KCNQ5: variants seen among roughly 807,000 people sequenced by gnomAD.
The protein encoded by KCNQ5 is potassium voltage-gated channel subfamily Q member 5.
In KCNQ5, 30 loss-of-function variants were observed where a neutral mutation model predicts 98.2. The observed-to-expected ratio is 0.31, with a 90% confidence interval of 0.23 to 0.41. KCNQ5 has a LOEUF of 0.41. Ranked by LOEUF, KCNQ5 falls within the 10% of genes least tolerant of loss-of-function variation. The probability of loss-of-function intolerance (pLI) is 1.00; values close to 1 mark genes in which losing one functional copy is unlikely to be tolerated. For synonymous variants in KCNQ5, 458 were observed against 449.4 expected (o/e 1.02, Z -0.24); for missense variants, 835 against 1,182.5 (o/e 0.71, Z 4.31).
intron 1 of KCNQ5, among the ~76,000 whole-genome samples, chr6:72,814,959 A>T (rs183455284): frequency 5.3e-5 from 8 of 152,338 alleles, no homozygotes; most frequent in African/African-American, 1.9e-4. Flanking sequence ...TTGTGCATAG[A>T]ATCTTATCAG....
intron 1 of KCNQ5, among the ~76,000 whole-genome samples, chr6:72,820,150 G>A (rs1301693752): frequency 6.6e-6 from 1 of 152,130 alleles, no homozygotes; most frequent in African/African-American, 2.4e-5. Context: ...ATTTTTCTCT[G>A]TAGACATATG....
intron 1 of KCNQ5, among the ~76,000 whole-genome samples, chr6:72,639,226 A>G (rs2098925868): frequency 6.6e-6 from 1 of 152,230 alleles, no homozygotes; most frequent in South Asian, 2.1e-4. Flanking sequence ...GAAGAGAAAA[A>G]CTAGGAAAAT....
At chr6:72,813,981 C>G (rs1775376861) in intron 1 of KCNQ5, among the ~76,000 whole-genome samples, 1 of 152,042 alleles carries the variant, frequency 6.6e-6, no homozygotes, top group East Asian at 1.9e-4. Flanking sequence ...TCTGGGCTTG[C>G]TGACTGTATA....
chr6:72,882,064 T>C (rs1248723394), intron 1 of KCNQ5, among the ~76,000 whole-genome samples: 2 of 152,180 alleles, frequency 1.3e-5, no homozygotes, highest in African/African-American at 2.4e-5. Flanking sequence ...GGATTTTTGA[T>C]TGTTTATTCA....
chr6:73,153,936 T>C (rs1169098226), intron 10 of KCNQ5, among the ~76,000 whole-genome samples: 1 of 151,340 alleles, frequency 6.6e-6, no homozygotes, highest in Non-Finnish European at 1.5e-5. Context: ...CCAAATTGCA[T>C]CTACTTTGGC....
At chr6:73,194,356 G>A in intron 13 of KCNQ5, 96 bp from the exon 14 acceptor site, 1 of 1,075,474 alleles carries the variant, frequency 9.3e-7, no homozygotes, top group Non-Finnish European at 1.3e-6. Flanking sequence ...CTTTAAATGT[G>A]TTGGCACACC....
chr6:72,732,657 C>G (rs1304961009), intron 1 of KCNQ5, among the ~76,000 whole-genome samples: 1 of 152,146 alleles, frequency 6.6e-6, no homozygotes, highest in Non-Finnish European at 1.5e-5. Flanking sequence ...GTGCAGGAAT[C>G]ACTGGAGGAC....
At chr6:72,908,688 GC>G (rs1435130056) in intron 1 of KCNQ5, among the ~76,000 whole-genome samples, 1 of 152,058 alleles carries the variant, frequency 6.6e-6, no homozygotes, top group African/African-American at 2.4e-5. Flanking sequence ...AGGGCTAGAA[GC>G]AACAAGCCAT....
rs117844363 is a variant in KCNQ5, at chr6:72,988,155, T to C, written c.399-15753T>C. Among the ~76,000 whole-genome samples the C allele has an allele frequency of 2.8e-3, 434 of 152,320 alleles. 5 individuals carry two copies. The highest frequency in any genetic ancestry group is 0.025 in the East Asian group (132 of 5,178). Reference sequence around the variant, plus strand: ...CATCAATGTGTACAGATGACCTTTGTTGAGTGTTTAGCAGGTGCTAGGCAC... The same window carrying C: ...CATCAATGTGTACAGATGACCTTTGCTGAGTGTTTAGCAGGTGCTAGGCAC... On this transcript the variant is annotated intron_variant, in intron 1 of 13. Transcript: ENST00000370398.
intron 1 of KCNQ5, among the ~76,000 whole-genome samples, chr6:72,863,574 T>G (rs755867537): frequency 1.3e-5 from 2 of 152,162 alleles, no homozygotes; most frequent in Non-Finnish European, 2.9e-5. Context: ...GAAAGTCAGC[T>G]AATCATTCTG....
chr6:73,176,943 G>A (rs1778235604), intron 11 of KCNQ5, among the ~76,000 whole-genome samples: 1 of 152,200 alleles, frequency 6.6e-6, no homozygotes, highest in African/African-American at 2.4e-5. Flanking sequence ...AGTAAAAAGA[G>A]AAGATGGTCA....
chr6:72,721,390 T>C (rs1029310787), intron 1 of KCNQ5, among the ~76,000 whole-genome samples: 2 of 152,162 alleles, frequency 1.3e-5, no homozygotes, highest in African/African-American at 2.4e-5. Flanking sequence ...AAGCTTAAAA[T>C]ACACTTTTGA....
Position 72,928,734 on chromosome 6 carries a change from A to G in KCNQ5, c.399-75174A>G, listed in dbSNP as rs534218986. On this transcript the variant is annotated intron_variant, in intron 1 of 13. Transcript: ENST00000370398. Reference sequence around the variant, plus strand: ...AGTAGACTCTAATATGTCTCTATGTATATCTATGAGGAAAAGTAATTCTTA... The same window carrying G: ...AGTAGACTCTAATATGTCTCTATGTGTATCTATGAGGAAAAGTAATTCTTA... 3.9e-5 allele frequency among the ~76,000 whole-genome samples: 6 copies of G among 152,228 alleles called. No homozygotes were observed. The South Asian group carries it at 1.2e-3, about 32-fold the overall frequency.
At chr6:72,758,092 A>C (rs1193902588) in intron 1 of KCNQ5, among the ~76,000 whole-genome samples, 2 of 151,942 alleles carry the variant, frequency 1.3e-5, no homozygotes, top group African/African-American at 4.8e-5. Flanking sequence ...TCCCCCAGGC[A>C]GCCAGGGAAG....
Position 72,892,713 on chromosome 6 carries a change from TA to T in KCNQ5, c.399-111182del, listed in dbSNP as rs201357800. On this transcript the variant is annotated intron_variant, in intron 1 of 13. Coordinates refer to ENST00000370398, the MANE Select transcript of KCNQ5 (RefSeq NM_019842.4). ...TTTGTACTTTGAATGGAACCTACCT[TA>T]AAAAAAAAAAAAGACAATGTATCTT... is the stretch of plus-strand genomic sequence containing the variant. Among the ~76,000 whole-genome samples, 1,140 of 141,940 alleles carry T rather than the reference TA, an allele frequency of 8.0e-3. 9 individuals carry two copies. Among genetic ancestry groups the T allele is most frequent in the East Asian group, 0.031 (153 of 4,928 alleles). 93.1% of individuals were successfully genotyped at this position (141,940 alleles called of 152,430 possible). A position where few individuals can be genotyped will look rare whatever the true frequency, so the allele number is the denominator to read the frequency against.
At chr6:72,659,883 C>G (rs1766419178) in intron 1 of KCNQ5, among the ~76,000 whole-genome samples, 2 of 152,094 alleles carry the variant, frequency 1.3e-5, no homozygotes, top group African/African-American at 4.8e-5. Context: ...TCGAAAATGC[C>G]ATGTCCAATT....
chr6:72,915,440 A>C (rs1303428235), intron 1 of KCNQ5, among the ~76,000 whole-genome samples: 1 of 152,188 alleles, frequency 6.6e-6, no homozygotes, highest in Non-Finnish European at 1.5e-5. Flanking sequence ...TTCTTTTAAA[A>C]AAAAAATCAC....
intron 1 of KCNQ5, among the ~76,000 whole-genome samples, chr6:72,962,202 C>CGTGTGT (rs1767395083): frequency 3.5e-5 from 2 of 56,538 alleles, no homozygotes; most frequent in Non-Finnish European, 1.1e-4. Flanking sequence ...TATATATATA[C>CGTGTGT]ATATATATAT....
intron 1 of KCNQ5, among the ~76,000 whole-genome samples, chr6:72,658,644 G>C (rs1300379389): frequency 7.0e-6 from 1 of 141,990 alleles, no homozygotes; most frequent in African/African-American, 2.7e-5. Context: ...GCAGTGGCAC[G>C]ATCTCACCTT....
Sources: gnomAD v4.1 joint callset for allele counts (sites outside exome capture counted in the v4.1 genomes callset) on GRCh38, gnomAD v4.1.1 for gene constraint, MANE v1.5 for transcripts, NCBI Gene and HGNC (gene_info 2026-07-23, HGNC 2026-07-21) for gene names.